KIAA1328: variants seen among roughly 807,000 people sequenced by gnomAD.
KIAA1328 encodes the protein protein hinderin.
A neutral mutation model predicts 68.1 loss-of-function variants in KIAA1328; 52 were observed. The observed-to-expected ratio is 0.76, with a 90% confidence interval of 0.61 to 0.96. KIAA1328 has a LOEUF of 0.96. Among genes scored for constraint, KIAA1328 ranks in the 40% least tolerant of loss-of-function variants. The pLI, the probability that KIAA1328 is intolerant of heterozygous loss-of-function variation, is 0.00. For missense variants in KIAA1328, 641 were observed against 677.6 expected (o/e 0.95, Z 0.60); for synonymous variants, 232 against 239.4 (o/e 0.97, Z 0.28).
chr18:37,105,837 G>A (rs575568197), intron 7 of KIAA1328, among the ~76,000 whole-genome samples: 5 of 140,024 alleles, frequency 3.6e-5, no homozygotes, highest in Admixed American at 3.2e-4. Flanking sequence ...GAATCATTTG[G>A]ACCCAGGAGA....
intron 7 of KIAA1328, among the ~76,000 whole-genome samples, chr18:37,097,880 G>A (rs1015564368): frequency 6.6e-5 from 10 of 152,100 alleles, no homozygotes; most frequent in Non-Finnish European, 1.0e-4. Flanking sequence ...CTGTTTGTCT[G>A]TTATTAGTGT....
In KIAA1328 at chr18:36,900,824, T is replaced by C. The variant is rs529939099; in HGVS notation, c.448+15152T>C. 2.0e-5 allele frequency among the ~76,000 whole-genome samples: 3 copies of C among 152,148 alleles called. No individual in the cohort carries two copies. The South Asian group carries it at 6.2e-4, about 32-fold the overall frequency. On this transcript the variant is annotated intron_variant, in intron 5 of 9. Coordinates refer to ENST00000280020, the MANE Select transcript of KIAA1328 (RefSeq NM_020776.3). ...CCTAGAATATCATCAGTAGGACAGA[T>C]GCTTGTGCTTTAATATACAAATCAG... is the stretch of plus-strand genomic sequence containing the variant.
intron 6 of KIAA1328, among the ~76,000 whole-genome samples, chr18:36,991,338 G>C (rs1381136279): frequency 2.0e-5 from 3 of 152,060 alleles, no homozygotes; most frequent in Admixed American, 2.0e-4. Context: ...TGTATTACTT[G>C]AGTCTTCAAA....
chr18:37,081,548 ATCC>A (rs1461105512), intron 7 of KIAA1328, among the ~76,000 whole-genome samples: 2 of 152,220 alleles, frequency 1.3e-5, no homozygotes, highest in Non-Finnish European at 2.9e-5. Context: ...TCTCAAATGA[ATCC>A]TCCTAAGACA....
chr18:37,206,619 C>G (rs1015205616), intron 9 of KIAA1328, among the ~76,000 whole-genome samples: 2 of 152,084 alleles, frequency 1.3e-5, no homozygotes, highest in Non-Finnish European at 1.5e-5. Flanking sequence ...TAAAAGGCCT[C>G]GTTTGACTAG....
At chr18:36,882,797 C>A (rs1183894008) in intron 4 of KIAA1328, among the ~76,000 whole-genome samples, 1 of 152,118 alleles carries the variant, frequency 6.6e-6, no homozygotes, top group Non-Finnish European at 1.5e-5. Flanking sequence ...CCTGGTTGGG[C>A]TCTAGAGATA....
At chr18:37,153,112 C>G (rs2059073888) in intron 7 of KIAA1328, among the ~76,000 whole-genome samples, 1 of 152,298 alleles carries the variant, frequency 6.6e-6, no homozygotes, top group South Asian at 2.1e-4. Context: ...GTGAAAATGG[C>G]ACACTTGGTC....
chr18:36,836,610 CT>C (rs967808914), intron 3 of KIAA1328, among the ~76,000 whole-genome samples: 8 of 152,000 alleles, frequency 5.3e-5, no homozygotes, highest in Non-Finnish European at 7.4e-5. Flanking sequence ...AGTCAACTCT[CT>C]TTTTTTTCAA....
At chr18:37,211,290 A>T (rs554870806) in intron 9 of KIAA1328, among the ~76,000 whole-genome samples, 11 of 152,324 alleles carry the variant, frequency 7.2e-5, no homozygotes, top group African/African-American at 2.2e-4. Flanking sequence ...GACTCCATTT[A>T]GTTCACTTAT....
chr18:37,032,760 G>A (rs1469545930), intron 6 of KIAA1328, among the ~76,000 whole-genome samples: 5 of 152,084 alleles, frequency 3.3e-5, no homozygotes, highest in African/African-American at 1.2e-4. Flanking sequence ...TCCTGCCCCA[G>A]CCTCCCGAGT....
chr18:36,830,586 G>C lies in KIAA1328; in HGVS notation c.58+1390G>C, dbSNP rs563388974. The stretch of plus-strand genomic sequence containing the variant: ...AAATATAGAATCAATGGTTTGGGGG[G>C]GGGACAAGCTATTGCAATGGGACTG... On this transcript the variant is annotated intron_variant, in intron 1 of 9. Transcript: ENST00000280020. Among the ~76,000 whole-genome samples the C allele has an allele frequency of 8.5e-5, 13 of 152,168 alleles. No individual in the cohort carries two copies. The South Asian group carries it at 2.5e-3, about 29-fold the overall frequency.
intron 7 of KIAA1328, among the ~76,000 whole-genome samples, chr18:37,118,862 C>G (rs1317608862): frequency 6.6e-6 from 1 of 152,148 alleles, no homozygotes; most frequent in Non-Finnish European, 1.5e-5. Context: ...GGAAACAGCA[C>G]CATATATTAG....
At chr18:36,926,371 ATCTCTC>A (rs575375124) in intron 5 of KIAA1328, among the ~76,000 whole-genome samples, 96 of 141,614 alleles carry the variant, frequency 6.8e-4, no homozygotes, top group Middle Eastern at 7.2e-3. Flanking sequence ...TTCTTTCTCT[ATCTCTC>A]TCTCTCTATT....
At position 37,153,720 on chromosome 18, in the gene KIAA1328, T is replaced by C. The variant is rs139612527; in HGVS notation, c.1233-6480T>C. Among the ~76,000 whole-genome samples, 51 of 146,080 alleles carry C rather than the reference T, an allele frequency of 3.5e-4. No individual in the cohort carries two copies. In the East Asian group the frequency reaches 9.9e-3, roughly 28 times the overall value. On this transcript the variant is annotated intron_variant, in intron 7 of 9. Transcript: ENST00000280020. The stretch of plus-strand genomic sequence containing the variant: ...GGACTGGTTCAGAAACTGGACAATA[T>C]AGCAATTGTTTAGGTATGATATGGC...
At chr18:36,923,060 C>T (rs2049986410) in intron 5 of KIAA1328, among the ~76,000 whole-genome samples, 1 of 151,916 alleles carries the variant, frequency 6.6e-6, no homozygotes, top group South Asian at 2.1e-4. Context: ...CACTTCTTGA[C>T]TTCATACATC....
At chr18:37,129,915 T>A (rs1319486680) in intron 7 of KIAA1328, among the ~76,000 whole-genome samples, 5 of 152,106 alleles carry the variant, frequency 3.3e-5, no homozygotes, top group Admixed American at 2.0e-4. Flanking sequence ...AGTGTGGAAT[T>A]AAGAGAGAAT....
chr18:36,858,118 C>T (rs1321704258), intron 4 of KIAA1328, among the ~76,000 whole-genome samples: 1 of 152,106 alleles, frequency 6.6e-6, no homozygotes, highest in Non-Finnish European at 1.5e-5. Flanking sequence ...TCCAGCTATA[C>T]TTGTAGATTT....
chr18:37,098,236 G>T (rs1306945278), intron 7 of KIAA1328, among the ~76,000 whole-genome samples: 1 of 152,216 alleles, frequency 6.6e-6, no homozygotes, highest in Non-Finnish European at 1.5e-5. Flanking sequence ...TTATTATTTT[G>T]AGATATGTCC....
intron 3 of KIAA1328, among the ~76,000 whole-genome samples, chr18:36,836,169 T>C (rs1369394282): frequency 6.6e-6 from 1 of 152,176 alleles, no homozygotes; most frequent in African/African-American, 2.4e-5. Flanking sequence ...GTGCCTCATT[T>C]ATTACTACAG....
Sources: allele counts gnomAD v4.1 joint callset (sites outside exome capture counted in the v4.1 genomes callset), GRCh38; gene constraint gnomAD v4.1.1; transcripts MANE v1.5; gene names NCBI Gene and HGNC (gene_info 2026-07-23, HGNC 2026-07-21).